CD84: variants seen among roughly 807,000 people sequenced by gnomAD.
CD84 encodes the protein CD84 molecule.
Under a neutral mutation model 33.8 loss-of-function variants are expected in CD84, and 22 were observed. That is an observed-to-expected ratio of 0.65 (90% CI 0.46 to 0.93). The LOEUF (loss-of-function observed/expected upper bound fraction) is 0.93. CD84 is among the 40% of genes least tolerant of loss of function. The pLI, the probability that CD84 is intolerant of heterozygous loss-of-function variation, is 0.00. For missense variants in CD84, 400 were observed against 397.6 expected (o/e 1.01, Z -0.05); for synonymous variants, 154 against 145.2 (o/e 1.06, Z -0.44).
At chr1:160,577,044 T>C (rs1658028586) in intron 1 of CD84, among the ~76,000 whole-genome samples, 1 of 152,176 alleles carries the variant, frequency 6.6e-6, no homozygotes, top group Non-Finnish European at 1.5e-5. Flanking sequence ...TCCCAGGGTA[T>C]GTGGAGAGAC....
chr1:160,576,889 A>T (rs945447402), intron 1 of CD84, among the ~76,000 whole-genome samples: 9 of 152,180 alleles, frequency 5.9e-5, no homozygotes, highest in African/African-American at 2.2e-4. Flanking sequence ...TTGATGGGAG[A>T]TAAGACAGGG....
intron 2 of CD84, among the ~76,000 whole-genome samples, chr1:160,565,085 A>C (rs1292242870): frequency 6.6e-6 from 1 of 152,170 alleles, no homozygotes; most frequent in Non-Finnish European, 1.5e-5. Context: ...GTTTTTTTAA[A>C]GCACTTTGCA....
chr1:160,549,992 C>T lies in CD84; in HGVS notation c.859-13G>A. The T allele has an allele frequency of 6.3e-7, 1 of 1,591,530 alleles. No homozygotes were observed. The highest frequency in any genetic ancestry group is 8.6e-7 in the Non-Finnish European group (1 of 1,160,718). On this transcript the variant is annotated splice_polypyrimidine_tract_variant and intron_variant, in intron 5 of 6. Coordinates refer to ENST00000368054, the MANE Select transcript of CD84 (RefSeq NM_003874.4). Reference sequence around the variant, plus strand: ...TGGAGGGAAGCACCTGTAAAACACACATCTTCCCCTCAGTGAGGGAGCCCA... The same window carrying T: ...TGGAGGGAAGCACCTGTAAAACACATATCTTCCCCTCAGTGAGGGAGCCCA...
chr1:160,561,350 T>A (rs1656945425), intron 2 of CD84, among the ~76,000 whole-genome samples: 1 of 152,096 alleles, frequency 6.6e-6, no homozygotes, highest in Non-Finnish European at 1.5e-5. Flanking sequence ...AGGATGCAAG[T>A]TTGGTTCAAC....
rs115109695 is a variant in CD84, at chr1:160,577,015, C to T, written c.46+2377G>A. 4.8e-3 allele frequency among the ~76,000 whole-genome samples: 728 copies of T among 152,236 alleles called. 4 individuals carry two copies. Among genetic ancestry groups the T allele is most frequent in the African/African-American group, 0.017 (686 of 41,544 alleles). ...AACTGGTGGACTCCTTCATCTCCTA[C>T]CCTCAGAGTGGGAGTGTCTCCCAGG... On this transcript the variant is annotated intron_variant, in intron 1 of 6. Coordinates refer to ENST00000368054, the MANE Select transcript of CD84 (RefSeq NM_003874.4).
At chr1:160,552,666 C>A (rs2102136198) in intron 4 of CD84, 1 of 1,461,654 alleles carries the variant, frequency 6.8e-7, no homozygotes, top group African/African-American at 1.4e-5. Context: ...CCCATCCCTC[C>A]CAATTGTTAT....
intron 4 of CD84, chr1:160,551,331 C>T (rs1656206923): frequency 2.9e-6 from 1 of 343,504 alleles, no homozygotes; most frequent in Non-Finnish European, 5.4e-6. Flanking sequence ...CCCAGGATCT[C>T]CCTTCATGTT....
intron 2 of CD84, among the ~76,000 whole-genome samples, chr1:160,555,331 C>T (rs555386702): frequency 9.9e-5 from 15 of 152,248 alleles, no homozygotes; most frequent in African/African-American, 3.4e-4. Context: ...GATCCACCCG[C>T]CTCGGCCTCC....
chr1:160,573,636 T>G (rs1657823482), intron 1 of CD84, among the ~76,000 whole-genome samples: 1 of 152,168 alleles, frequency 6.6e-6, no homozygotes, highest in Non-Finnish European at 1.5e-5. Flanking sequence ...GCTTTCCTGG[T>G]CACTGTGCCT....
chr1:160,558,041 A>C (rs1404720262), intron 2 of CD84, among the ~76,000 whole-genome samples: 1 of 152,220 alleles, frequency 6.6e-6, no homozygotes, highest in Non-Finnish European at 1.5e-5. Flanking sequence ...CAGTCAACTC[A>C]GCTGTTCCAG....
intron 1 of CD84, among the ~76,000 whole-genome samples, chr1:160,576,237 T>C (rs1657986176): frequency 6.6e-6 from 1 of 152,200 alleles, no homozygotes. Context: ...GTGAGCCCAC[T>C]CATTTCTTAG....
rs532517501 is a variant in CD84 at position 160,546,586 on chromosome 1, T to G, written c.*1670A>C. 7 of 152,350 alleles carry G rather than the reference T, an allele frequency of 4.6e-5. No individual in the cohort carries two copies. The highest frequency in any genetic ancestry group is 1.7e-4 in the African/African-American group (7 of 41,462). 9.4% of individuals were successfully genotyped at this position (152,350 alleles called of 1,614,324 possible). A position where few individuals can be genotyped will look rare whatever the true frequency, so the allele number is the denominator to read the frequency against. On this transcript the variant is annotated 3_prime_UTR_variant, in exon 7 of 7. Transcript: ENST00000368054. ...GGACTGTGAGCATGCATGGTGCATC[T>G]GGAGAGGTGCTCTGAATACACCCCA...
At chr1:160,560,455 G>A (rs1307329454) in intron 2 of CD84, among the ~76,000 whole-genome samples, 1 of 152,130 alleles carries the variant, frequency 6.6e-6, no homozygotes, top group Non-Finnish European at 1.5e-5. Flanking sequence ...TGAGAACAAA[G>A]AGACAATGTA....
rs1201941980 is a variant in CD84 at position 160,554,123 on chromosome 1, T to C, written c.412A>G (p.Thr138Ala). 6.2e-7 allele frequency: 1 copy of C among 1,612,978 alleles called. No homozygotes were observed. The highest frequency in any genetic ancestry group is 8.5e-7 in the Non-Finnish European group (1 of 1,179,186). Reference protein sequence around the residue: ...IYRRLGKPKITQSLMASVNST... With the variant: ...IYRRLGKPKIAQSLMASVNST... ...TTCACAGATGCCATTAAACTCTGTG[T>C]AATTTTTGGTTTCCCAAGCCGACCT... Residue 138 changes from threonine to alanine, a missense_variant, in exon 3 of 7, where the codon ACA (threonine) becomes GCA (alanine). Thr to Ala is a moderately conservative substitution (Grantham distance 58). Transcript: ENST00000368054.
Position 160,565,526 on chromosome 1 carries a change from C to T in CD84, c.266G>A (p.Gly89Asp). The change falls in exon 2 of 7, where the codon GGT (glycine) becomes GAT (aspartate). Residue 89 changes from glycine (G) to aspartate (D), a missense_variant. Gly to Asp is a moderately conservative substitution (Grantham distance 94). Coordinates refer to ENST00000368054, the MANE Select transcript of CD84 (RefSeq NM_003874.4). ...GCTAATGACCAGATTGTAGTTCGGA[C>T]CTAAGGCATGTATCCGTTCATAATA... The part of the protein sequence containing the change: ...RNYYERIHAL[G>D]PNYNLVISDL... The T allele has an allele frequency of 6.2e-7, 1 of 1,614,004 alleles. No homozygotes were observed. The highest frequency in any genetic ancestry group is 8.5e-7 in the Non-Finnish European group (1 of 1,179,912).
In CD84 at chr1:160,550,985, T is replaced by A; in HGVS notation, c.811A>T (p.Thr271Ser). ...IYTYIMASRNTQPAESRIYDE... is the reference protein window; with the variant it reads ...IYTYIMASRNSQPAESRIYDE... Reference sequence around the variant, plus strand: ...TAGATTCTGGACTCTGCTGGCTGGGTGTTCCTTGAAGCCATGATATATGTG... The same window carrying A: ...TAGATTCTGGACTCTGCTGGCTGGGAGTTCCTTGAAGCCATGATATATGTG... Residue 271 changes from threonine (T) to serine (S), a missense_variant, in exon 5 of 7, where the codon ACC (threonine) becomes TCC (serine). By Grantham distance (58) the Thr-to-Ser change is moderately conservative. Coordinates refer to ENST00000368054, the MANE Select transcript of CD84 (RefSeq NM_003874.4). 1.2e-6 allele frequency: 2 copies of A among 1,614,158 alleles called. No individual in the cohort carries two copies. The highest frequency in any genetic ancestry group is 1.7e-6 in the Non-Finnish European group (2 of 1,179,996).
At position 160,579,381 on chromosome 1, in the gene CD84, T is replaced by C; in HGVS notation, c.46+11A>G. The C allele has an allele frequency of 6.2e-7, 1 of 1,613,022 alleles. No homozygotes were observed. Among genetic ancestry groups the C allele is most frequent in the South Asian group, 1.1e-5 (1 of 91,046 alleles). On this transcript the variant is annotated intron_variant, in intron 1 of 6. Transcript: ENST00000368054. ...AAAACTAGGAGGCGATCAGCAAGGG[T>C]CAGAACTCACAGGTTTGCAGGCAAA...
chr1:160,551,294 T>G (rs1656202764), intron 4 of CD84: 1 of 421,952 alleles, frequency 2.4e-6, no homozygotes, highest in South Asian at 2.5e-5. Context: ...CCCCTCCCTG[T>G]GTGGCCAGTC....
intron 1 of CD84, among the ~76,000 whole-genome samples, chr1:160,571,673 G>A (rs1657703841): frequency 2.0e-5 from 3 of 152,124 alleles, no homozygotes; most frequent in East Asian, 1.9e-4. Context: ...GGGGGCTGGG[G>A]GGGAGGAGCT....
Sources: gnomAD v4.1 joint callset for allele counts (sites outside exome capture counted in the v4.1 genomes callset) on GRCh38, gnomAD v4.1.1 for gene constraint, MANE v1.5 for transcripts, NCBI Gene and HGNC (gene_info 2026-07-23, HGNC 2026-07-21) for gene names.